Variants in DGCR2 observed in about 807,000 individuals in gnomAD.
DGCR2 encodes the protein integral membrane protein DGCR2/IDD.
Under a neutral mutation model 51.6 loss-of-function variants are expected in DGCR2, and 24 were observed. The ratio of observed to expected loss-of-function variants is 0.47; its 90% CI spans 0.34 to 0.65. DGCR2 has a LOEUF of 0.65. Among genes scored for constraint, DGCR2 ranks in the 30% least tolerant of loss-of-function variants. The pLI, the probability that DGCR2 is intolerant of heterozygous loss-of-function variation, is 0.01. For synonymous variants in DGCR2, 340 were observed against 315.4 expected (o/e 1.08, Z -0.82); for missense variants, 765 against 772.1 (o/e 0.99, Z 0.11).
intron 1 of DGCR2, among the ~76,000 whole-genome samples, chr22:19,113,403 A>G (rs1179094889): frequency 6.6e-6 from 1 of 152,060 alleles, no homozygotes; most frequent in Non-Finnish European, 1.5e-5. Context: ...AAATAACAGT[A>G]TGAACTTACA....
intron 1 of DGCR2, among the ~76,000 whole-genome samples, chr22:19,107,392 A>C (rs543602142): frequency 4.6e-5 from 7 of 152,306 alleles, no homozygotes; most frequent in African/African-American, 1.7e-4. Context: ...ACAAGAACAA[A>C]GGGACAAGGC....
At chr22:19,099,176 T>G (rs887435698) in intron 1 of DGCR2, among the ~76,000 whole-genome samples, 7 of 152,126 alleles carry the variant, frequency 4.6e-5, no homozygotes, top group African/African-American at 1.7e-4. Context: ...GCTGTGGTAA[T>G]GAACAAAGAA....
At chr22:19,116,485 T>C (rs552026959) in intron 1 of DGCR2, among the ~76,000 whole-genome samples, 18 of 152,280 alleles carry the variant, frequency 1.2e-4, no homozygotes, top group Non-Finnish European at 2.4e-4. Flanking sequence ...CCCAAGCCCA[T>C]GCATCACTCT....
chr22:19,079,621 C>G (rs1290697689), intron 2 of DGCR2, among the ~76,000 whole-genome samples: 1 of 152,208 alleles, frequency 6.6e-6, no homozygotes, highest in Non-Finnish European at 1.5e-5. Flanking sequence ...CTTGTCTAAT[C>G]CCTTTATATG....
intron 1 of DGCR2, among the ~76,000 whole-genome samples, chr22:19,117,225 G>A (rs2083382982): frequency 6.6e-6 from 1 of 152,274 alleles, no homozygotes; most frequent in African/African-American, 2.4e-5. Context: ...GAAGTGGGAA[G>A]GAAGGGGTGG....
chr22:19,041,590 GA>G, intron 8 of DGCR2: 1 of 624,134 alleles, frequency 1.6e-6, no homozygotes, highest in Non-Finnish European at 2.8e-6. Flanking sequence ...CTGACCCTCA[GA>G]GGCCTCCGAG....
At chr22:19,067,946 G>A (rs1557846) in intron 3 of DGCR2, 154 bp downstream of exon 3, 186,697 of 1,060,154 alleles carry the variant, frequency 0.18, 17,548 homozygotes, top group South Asian at 0.27. Context: ...GGGTGACTGC[G>A]GGTGGGTCAT....
intron 1 of DGCR2, among the ~76,000 whole-genome samples, chr22:19,106,315 A>G (rs557195607): frequency 1.2e-4 from 18 of 152,320 alleles, no homozygotes; most frequent in Admixed American, 7.8e-4. Context: ...GGTCCTCTGC[A>G]GAGATAAATG....
At chr22:19,065,126 A>T in intron 3 of DGCR2, 59 bp from the exon 4 acceptor site, 2 of 1,450,374 alleles carry the variant, frequency 1.4e-6, no homozygotes, top group Non-Finnish European at 1.9e-6. Flanking sequence ...AATGGAAATT[A>T]TATGTACTCC....
chr22:19,052,502 A>G (rs1333425306), intron 6 of DGCR2, among the ~76,000 whole-genome samples: 1 of 152,096 alleles, frequency 6.6e-6, no homozygotes, highest in Non-Finnish European at 1.5e-5. Flanking sequence ...TGTTCACGGC[A>G]GTTTTCATTG....
intron 2 of DGCR2, among the ~76,000 whole-genome samples, chr22:19,084,717 G>T (rs1166905153): frequency 1.4e-5 from 2 of 144,518 alleles, no homozygotes; most frequent in Non-Finnish European, 3.1e-5. Flanking sequence ...AGGGAGGTGG[G>T]GGGTCAGCCC....
chr22:19,094,425 A>G (rs1176635606), intron 1 of DGCR2, among the ~76,000 whole-genome samples: 1 of 124,956 alleles, frequency 8.0e-6, no homozygotes, highest in Non-Finnish European at 1.9e-5. Flanking sequence ...ACTCCGTCTC[A>G]ACAAACAAAA....
At chr22:19,044,642 C>T (rs555010071) in intron 7 of DGCR2, among the ~76,000 whole-genome samples, 31 of 152,306 alleles carry the variant, frequency 2.0e-4, no homozygotes, top group African/African-American at 5.8e-4. Flanking sequence ...TGCACCTTGG[C>T]CAGCACTTGA....
rs576135991 is a variant in DGCR2 at position 19,048,066 on chromosome 22, G to A, written c.1006+374C>T. The A allele has an allele frequency of 2.4e-4, 67 of 281,376 alleles. 1 individual carries two copies. Among genetic ancestry groups the A allele is most frequent in the South Asian group, 1.9e-3 (48 of 24,982 alleles). 17.4% of individuals were successfully genotyped at this position (281,376 alleles called of 1,614,324 possible). ...AAACTAGCCAGGCATGGTGGCATGC[G>A]CCTGTAGTTCCAGCTACTGGTGAGG... On this transcript the variant is annotated intron_variant, in intron 7 of 9. Coordinates refer to ENST00000263196, the MANE Select transcript of DGCR2 (RefSeq NM_005137.3).
chr22:19,083,738 CT>C (rs2082970633), intron 2 of DGCR2, among the ~76,000 whole-genome samples: 7 of 144,456 alleles, frequency 4.8e-5, no homozygotes, highest in Non-Finnish European at 1.1e-4. Flanking sequence ...CTCCCTCTCC[CT>C]CTCTTTCCAC....
chr22:19,084,720 G>A (rs1156945971), intron 2 of DGCR2, among the ~76,000 whole-genome samples: 7 of 143,274 alleles, frequency 4.9e-5, no homozygotes, highest in Admixed American at 1.4e-4. Context: ...GAGGTGGGGG[G>A]TCAGCCCCCG....
chr22:19,056,573 A>C, intron 6 of DGCR2: 1 of 375,240 alleles, frequency 2.7e-6, no homozygotes. Context: ...AAAAACACAC[A>C]CACCATAGAC....
chr22:19,058,386 C>CA (rs1189227173), intron 5 of DGCR2, among the ~76,000 whole-genome samples: 1 of 152,162 alleles, frequency 6.6e-6, no homozygotes, highest in Non-Finnish European at 1.5e-5. Flanking sequence ...GAAAGGGGCC[C>CA]ACTGTCTGGA....
chr22:19,076,408 G>T (rs895463120), intron 2 of DGCR2, among the ~76,000 whole-genome samples: 1 of 151,782 alleles, frequency 6.6e-6, no homozygotes, highest in African/African-American at 2.4e-5. Flanking sequence ...CAAGTGATCC[G>T]CCCGCCTCGG....
Sources: gnomAD v4.1 joint callset for allele counts (sites outside exome capture counted in the v4.1 genomes callset) on GRCh38, gnomAD v4.1.1 for gene constraint, MANE v1.5 for transcripts, NCBI Gene and HGNC (gene_info 2026-07-23, HGNC 2026-07-21) for gene names.